Variants in MPPED2 observed in about 807,000 individuals in gnomAD.
MPPED2 encodes metallophosphoesterase domain containing 2.
A neutral mutation model predicts 33.0 loss-of-function variants in MPPED2; 5 were observed. The observed-to-expected ratio is 0.15, with a 90% CI of 0.08 to 0.32. The LOEUF is 0.32. Ranked by LOEUF, MPPED2 falls within the 10% of genes least tolerant of loss-of-function variation. The pLI is 1.00. For synonymous variants in MPPED2, 136 were observed against 141.9 expected (o/e 0.96, Z 0.29); for missense variants, 275 against 372.1 (o/e 0.74, Z 2.15).
intron 4 of MPPED2, among the ~76,000 whole-genome samples, chr11:30,419,198 A>G (rs1202065766): frequency 6.6e-6 from 1 of 152,182 alleles, no homozygotes; most frequent in Non-Finnish European, 1.5e-5. Context: ...CTCGCAGCAA[A>G]CTCATGAGGT....
In MPPED2 at chr11:30,523,347, T is replaced by C. The variant is rs77054451; in HGVS notation, c.310+12647A>G. On this transcript the variant is annotated intron_variant, in intron 3 of 6. Coordinates refer to ENST00000358117, the MANE Select transcript of MPPED2 (RefSeq NM_001584.3). ...AAGATGAAAGTGATCTATGGAGTAC[T>C]GGGAAGTTCAAAGCCAAACCAAATG... Among the ~76,000 whole-genome samples, 760 of 152,198 alleles carry C rather than the reference T, an allele frequency of 5.0e-3. 9 individuals are homozygous for C. The highest frequency in any genetic ancestry group is 0.017 in the African/African-American group (720 of 41,522).
chr11:30,558,175 TA>T (rs1956073739), intron 2 of MPPED2, among the ~76,000 whole-genome samples: 1 of 152,096 alleles, frequency 6.6e-6, no homozygotes, highest in Admixed American at 6.6e-5. Context: ...ATTTTATTAT[TA>T]TTATTTTACC....
intron 4 of MPPED2, among the ~76,000 whole-genome samples, chr11:30,481,568 C>T (rs1205452015): frequency 6.6e-6 from 1 of 152,066 alleles, no homozygotes; most frequent in African/African-American, 2.4e-5. Flanking sequence ...CCCTGTTTTG[C>T]AGATTAATAG....
Position 30,401,117 on chromosome 11 carries a change from T to A in MPPED2, c.767-12161A>T, listed in dbSNP as rs183803363. On this transcript the variant is annotated intron_variant, in intron 6 of 6. Coordinates refer to the MPPED2 transcript ENST00000448418. ...GATACCTTTTTCCTGTTTATACATATCATGTCCCCCAAAAAGTGTTATAAA... is the reference window on the plus strand; with the variant it reads ...GATACCTTTTTCCTGTTTATACATAACATGTCCCCCAAAAAGTGTTATAAA... Among the ~76,000 whole-genome samples, 416 of 152,320 alleles carry A rather than the reference T, an allele frequency of 2.7e-3. 1 individual carries two copies. The highest frequency in any genetic ancestry group is 0.02 in the Middle Eastern group (6 of 294).
At chr11:30,542,193 C>T (rs1015409815) in intron 2 of MPPED2, among the ~76,000 whole-genome samples, 31 of 152,086 alleles carry the variant, frequency 2.0e-4, no homozygotes, top group African/African-American at 7.2e-4. Flanking sequence ...TGTACTAGTC[C>T]TTAATTTTTG....
exon 7 of MPPED2, chr11:30,388,535 T>TAA: frequency 6.0e-6 from 1 of 167,644 alleles, no homozygotes; most frequent in Non-Finnish European, 1.3e-5. Flanking sequence ...TGCCGAGGCT[T>TAA]AGAGAAGGAA....
intron 3 of MPPED2, among the ~76,000 whole-genome samples, chr11:30,529,185 T>G (rs1328760517): frequency 6.6e-6 from 1 of 152,174 alleles, no homozygotes; most frequent in Non-Finnish European, 1.5e-5. Context: ...TAAAAAATAG[T>G]CCTTAATAAA....
intron 4 of MPPED2, among the ~76,000 whole-genome samples, chr11:30,439,268 C>G (rs914892935): frequency 4.6e-5 from 7 of 152,168 alleles, no homozygotes; most frequent in African/African-American, 1.7e-4. Context: ...CTAATGAGAT[C>G]TGGGAAGTGT....
intron 3 of MPPED2, among the ~76,000 whole-genome samples, chr11:30,530,205 A>G (rs780224238): frequency 1.3e-5 from 2 of 152,246 alleles, no homozygotes; most frequent in Admixed American, 6.5e-5. Context: ...ATGGGATATT[A>G]TAAGTTCTTT....
In MPPED2 at chr11:30,556,934, T is replaced by C. The variant is rs772892327; in HGVS notation, c.129-20759A>G. 3.0e-4 allele frequency among the ~76,000 whole-genome samples: 46 copies of C among 152,082 alleles called. 1 individual carries two copies. Among genetic ancestry groups the C allele is most frequent in the South Asian group, 8.3e-4 (4 of 4,820 alleles). On this transcript the variant is annotated intron_variant, in intron 2 of 6. Transcript: ENST00000358117. ...GAGAAGGGATTCCCCAAAAGCAGTG[T>C]TGAACCAAGTTAGGGCAATAAGATG...
At chr11:30,581,243 G>A (rs1157499863) in intron 1 of MPPED2, among the ~76,000 whole-genome samples, 2 of 152,176 alleles carry the variant, frequency 1.3e-5, no homozygotes, top group African/African-American at 2.4e-5. Flanking sequence ...CGATGGAGCG[G>A]TAAAGAAGGG....
chr11:30,558,776 CT>C lies in MPPED2; in HGVS notation c.128+21469del, dbSNP rs539415158. ...TCCCTCCCTCTTTCCTTCTTTCTTT[CT>C]TTTTTTTTTTCTGGCTTGGGAATAC... On this transcript the variant is annotated intron_variant, in intron 2 of 6. Transcript: ENST00000358117. Among the ~76,000 whole-genome samples, 98 of 145,258 alleles carry C rather than the reference CT, an allele frequency of 6.7e-4. 1 individual carries two copies. The highest frequency in any genetic ancestry group is 4.0e-3 in the South Asian group (18 of 4,538).
At chr11:30,447,460 G>T (rs1949861053) in intron 4 of MPPED2, among the ~76,000 whole-genome samples, 1 of 152,208 alleles carries the variant, frequency 6.6e-6, no homozygotes, top group Admixed American at 6.5e-5. Flanking sequence ...GCAGTGGCCT[G>T]ACAGGGACCA....
chr11:30,466,122 A>C (rs1950697226), intron 4 of MPPED2, among the ~76,000 whole-genome samples: 1 of 152,252 alleles, frequency 6.6e-6, no homozygotes, highest in East Asian at 1.9e-4. Context: ...TTAAGCCTGC[A>C]AAAGAAGAAT....
chr11:30,437,981 C>T (rs1265419853), intron 4 of MPPED2, among the ~76,000 whole-genome samples: 1 of 152,054 alleles, frequency 6.6e-6, no homozygotes, highest in Non-Finnish European at 1.5e-5. Context: ...TGAACTCTGG[C>T]ATATCTTCCT....
chr11:30,431,682 C>T (rs1324510015), intron 4 of MPPED2, among the ~76,000 whole-genome samples: 1 of 152,142 alleles, frequency 6.6e-6, no homozygotes, highest in Non-Finnish European at 1.5e-5. Flanking sequence ...CTTCTATAGC[C>T]ATTGAATTTA....
intron 3 of MPPED2, among the ~76,000 whole-genome samples, chr11:30,533,983 C>T (rs1954676570): frequency 6.6e-6 from 1 of 152,178 alleles, no homozygotes; most frequent in South Asian, 2.1e-4. Flanking sequence ...TCATTTGGCA[C>T]ATTCCCCATT....
intron 4 of MPPED2, among the ~76,000 whole-genome samples, chr11:30,443,389 G>T (rs1949668058): frequency 6.6e-6 from 1 of 152,072 alleles, no homozygotes; most frequent in Non-Finnish European, 1.5e-5. Context: ...CTTATCCAAG[G>T]TCACCCAGCA....
chr11:30,418,960 G>C (rs1483607002), intron 4 of MPPED2, among the ~76,000 whole-genome samples: 1 of 152,228 alleles, frequency 6.6e-6, no homozygotes, highest in Non-Finnish European at 1.5e-5. Flanking sequence ...TGATATGGTG[G>C]AGAAAGTTCC....
Sources: gnomAD v4.1 joint callset for allele counts (sites outside exome capture counted in the v4.1 genomes callset) on GRCh38, gnomAD v4.1.1 for gene constraint, MANE v1.5 for transcripts, NCBI Gene and HGNC (gene_info 2026-07-23, HGNC 2026-07-21) for gene names.